The following CBLB variants were observed in gnomAD, a reference collection of about 807,000 sequenced individuals.
CBLB encodes E3 ubiquitin-protein ligase CBL-B.
A neutral mutation model predicts 104.9 loss-of-function variants in CBLB; 31 were observed. The observed-to-expected ratio is 0.30, with a 90% CI of 0.22 to 0.40. The LOEUF (loss-of-function observed/expected upper bound fraction) is 0.40, where lower values mean the gene tolerates loss of function less well. Among genes scored for constraint, CBLB ranks in the 10% least tolerant of loss-of-function variants. The pLI, the probability that CBLB is intolerant of heterozygous loss-of-function variation, is 1.00. For synonymous variants in CBLB, 440 were observed against 422.6 expected (o/e 1.04, Z -0.51); for missense variants, 1,062 against 1,214.6 (o/e 0.87, Z 1.87).
chr3:105,849,080 G>T (rs1174513829), intron 3 of CBLB, among the ~76,000 whole-genome samples: 1 of 152,064 alleles, frequency 6.6e-6, no homozygotes, highest in Admixed American at 6.6e-5. Context: ...GTTCTGTAGA[G>T]CAAAATGCCT....
intron 4 of CBLB, among the ~76,000 whole-genome samples, chr3:105,755,128 C>T (rs2076972862): frequency 6.6e-6 from 1 of 151,582 alleles, no homozygotes; most frequent in Admixed American, 6.6e-5. Context: ...GCTGCACCCA[C>T]TAATGTGTCA....
intron 10 of CBLB, among the ~76,000 whole-genome samples, chr3:105,713,225 T>C (rs979481122): frequency 5.9e-5 from 9 of 152,042 alleles, no homozygotes; most frequent in African/African-American, 1.7e-4. Flanking sequence ...GGCAGAGTTT[T>C]ATGGACCAAG....
chr3:105,704,472 C>T (rs774427003), intron 10 of CBLB, among the ~76,000 whole-genome samples: 12 of 152,282 alleles, frequency 7.9e-5, no homozygotes, highest in South Asian at 2.1e-4. Flanking sequence ...AGAAAACCAT[C>T]TATATTTTAT....
At chr3:105,732,933 T>C (rs2074478780) in intron 9 of CBLB, among the ~76,000 whole-genome samples, 1 of 152,180 alleles carries the variant, frequency 6.6e-6, no homozygotes, top group Admixed American at 6.5e-5. Context: ...TCAATATACT[T>C]CTAACTTCAA....
chr3:105,663,723 A>T (rs1179465360), intron 18 of CBLB, among the ~76,000 whole-genome samples: 1 of 152,152 alleles, frequency 6.6e-6, no homozygotes, highest in Non-Finnish European at 1.5e-5. Context: ...ACTCTAGGTC[A>T]TACATTCTAG....
intron 8 of CBLB, among the ~76,000 whole-genome samples, chr3:105,735,287 TA>T (rs574587654): frequency 3.5e-4 from 54 of 152,246 alleles, no homozygotes; most frequent in Non-Finnish European, 6.2e-4. Flanking sequence ...GTGGGGAACT[TA>T]AGGAAAGAGA....
At chr3:105,814,220 T>C (rs2153044233) in intron 3 of CBLB, among the ~76,000 whole-genome samples, 1 of 152,284 alleles carries the variant, frequency 6.6e-6, no homozygotes, top group African/African-American at 2.4e-5. Context: ...TGCTTTATGT[T>C]TATACGTGCA....
At chr3:105,793,864 G>A (rs1245937493) in intron 3 of CBLB, among the ~76,000 whole-genome samples, 1 of 145,760 alleles carries the variant, frequency 6.9e-6, no homozygotes, top group African/African-American at 2.6e-5. Context: ...GCAAAAAAGG[G>A]TGACAAAGAA....
chr3:105,717,483 A>C (rs931912959), intron 10 of CBLB, among the ~76,000 whole-genome samples: 1 of 152,220 alleles, frequency 6.6e-6, no homozygotes, highest in Non-Finnish European at 1.5e-5. Context: ...GACATTTTGT[A>C]GGTACTTATA....
intron 4 of CBLB, among the ~76,000 whole-genome samples, chr3:105,763,780 G>T (rs182367978): frequency 5.3e-5 from 8 of 152,186 alleles, no homozygotes; most frequent in African/African-American, 1.9e-4. Flanking sequence ...TGCAAGCTAA[G>T]AAGTTGGCCT....
intron 2 of CBLB, among the ~76,000 whole-genome samples, chr3:105,866,431 T>C (rs754506579): frequency 2.0e-5 from 3 of 152,200 alleles, no homozygotes; most frequent in African/African-American, 4.8e-5. Context: ...ATTTCTTCAG[T>C]TATAAAGATA....
chr3:105,768,839 TAAAG>T (rs1484257496), intron 4 of CBLB, among the ~76,000 whole-genome samples: 4 of 151,978 alleles, frequency 2.6e-5, no homozygotes, highest in Non-Finnish European at 5.9e-5. Flanking sequence ...GAACTGAACT[TAAAG>T]AAAGGTGTCA....
chr3:105,713,144 C>A (rs1297794869), intron 10 of CBLB, among the ~76,000 whole-genome samples: 3 of 152,102 alleles, frequency 2.0e-5, no homozygotes, highest in Non-Finnish European at 4.4e-5. Flanking sequence ...ACAACCAATA[C>A]TTAGCATTTT....
At chr3:105,857,285 G>C (rs951034542) in intron 2 of CBLB, among the ~76,000 whole-genome samples, 3 of 152,032 alleles carry the variant, frequency 2.0e-5, no homozygotes, top group African/African-American at 7.2e-5. Flanking sequence ...GTAATTCCAT[G>C]TGGGAATTTA....
chr3:105,797,549 A>C (rs758689747), intron 3 of CBLB, among the ~76,000 whole-genome samples: 4 of 152,188 alleles, frequency 2.6e-5, no homozygotes, highest in Non-Finnish European at 5.9e-5. Flanking sequence ...CATGACATGT[A>C]GTTTACCTGT....
At chr3:105,820,700 CAG>C (rs2085719842) in intron 3 of CBLB, among the ~76,000 whole-genome samples, 1 of 151,882 alleles carries the variant, frequency 6.6e-6, no homozygotes, top group Non-Finnish European at 1.5e-5. Flanking sequence ...TCAAAGAGCA[CAG>C]AAAGAAATTC....
intron 3 of CBLB, among the ~76,000 whole-genome samples, chr3:105,850,198 G>A (rs2090771772): frequency 6.6e-6 from 1 of 152,078 alleles, no homozygotes; most frequent in Non-Finnish European, 1.5e-5. Flanking sequence ...CTAATTGAGA[G>A]AGAAAATTAT....
At chr3:105,717,246 C>T (rs2072032107) in intron 10 of CBLB, among the ~76,000 whole-genome samples, 1 of 152,074 alleles carries the variant, frequency 6.6e-6, no homozygotes, top group Admixed American at 6.6e-5. Context: ...GATGAAAACC[C>T]ATTTAGTAAA....
chr3:105,682,086 T>C, intron 14 of CBLB: 1 of 385,886 alleles, frequency 2.6e-6, no homozygotes. Context: ...TCCTAAACAC[T>C]ATGTAAAATT....
Sources: allele counts gnomAD v4.1 joint callset (sites outside exome capture counted in the v4.1 genomes callset), GRCh38; gene constraint gnomAD v4.1.1; transcripts MANE v1.5; gene names NCBI Gene and HGNC (gene_info 2026-07-23, HGNC 2026-07-21).